The following NTRK2 variants were observed in gnomAD, a reference collection of about 807,000 sequenced individuals.
NTRK2 encodes neurotrophic receptor tyrosine kinase 2, also known as BDNF/NT-3 growth factors receptor.
A neutral mutation model predicts 94.5 loss-of-function variants in NTRK2; 13 were observed. That is an observed-to-expected ratio of 0.14 (90% CI 0.09 to 0.22). The LOEUF (loss-of-function observed/expected upper bound fraction) is 0.22. Among genes scored for constraint, NTRK2 ranks in the 10% least tolerant of loss-of-function variants. The pLI, the probability that NTRK2 is intolerant of heterozygous loss-of-function variation, is 1.00. For synonymous variants in NTRK2, 372 were observed against 407.4 expected, an observed-to-expected ratio of 0.91 and a Z score of 1.05; for missense variants, 639 against 1,071.2, an observed-to-expected ratio of 0.60 and a Z score of 5.63.
upstream of NTRK2, chr9:84,669,657 G>C (rs1460723984): frequency 6.5e-6 from 1 of 153,072 alleles, no homozygotes; most frequent in African/African-American, 2.4e-5. This position sits in a 1 kb window ranked among gnomAD's most constrained non-coding sequence, Gnocchi z 4.1. Flanking sequence ...GTGTATGAGC[G>C]TGTGTGTGTT....
intron 17 of NTRK2, among the ~76,000 whole-genome samples, chr9:84,973,246 A>G (rs984933509): frequency 6.6e-6 from 1 of 152,220 alleles, no homozygotes; most frequent in Non-Finnish European, 1.5e-5. Flanking sequence ...TGGTAAGCAG[A>G]TCAGAGAAAC....
At chr9:84,934,403 T>A in intron 15 of NTRK2, 111 bp downstream of exon 15, 5 of 1,118,068 alleles carry the variant, frequency 4.5e-6, no homozygotes, top group Non-Finnish European at 5.3e-6. Context: ...TTGTTCCTGC[T>A]ATGATGGATG....
intron 14 of NTRK2, among the ~76,000 whole-genome samples, chr9:84,904,930 A>G (rs1265248748): frequency 2.0e-5 from 3 of 152,216 alleles, no homozygotes; most frequent in East Asian, 3.8e-4. Flanking sequence ...CTTGCCTTAC[A>G]TATGTTCGTC....
At chr9:84,928,220 C>A (rs1419250576) in intron 14 of NTRK2, among the ~76,000 whole-genome samples, 1 of 152,140 alleles carries the variant, frequency 6.6e-6, no homozygotes, top group Non-Finnish European at 1.5e-5. Flanking sequence ...ATCTTTCACA[C>A]AAATTTGTTT....
At chr9:84,973,721 T>C (rs1826458648) in intron 17 of NTRK2, among the ~76,000 whole-genome samples, 1 of 152,200 alleles carries the variant, frequency 6.6e-6, no homozygotes, top group Non-Finnish European at 1.5e-5. Flanking sequence ...GCCTCAGTTG[T>C]GAAATGAGGA....
At chr9:84,760,954 T>C (rs2065512752) in intron 12 of NTRK2, among the ~76,000 whole-genome samples, 1 of 152,218 alleles carries the variant, frequency 6.6e-6, no homozygotes, top group African/African-American at 2.4e-5. Context: ...GTCAAGAAAT[T>C]AAATTCTTCC....
chr9:84,970,455 G>A (rs974926007), intron 17 of NTRK2, among the ~76,000 whole-genome samples: 1 of 152,106 alleles, frequency 6.6e-6, no homozygotes, highest in Non-Finnish European at 1.5e-5. Context: ...ATGTGGTAAG[G>A]ATTAAGTGCA....
chr9:84,943,932 A>T (rs1283199836), intron 15 of NTRK2, among the ~76,000 whole-genome samples: 1 of 152,140 alleles, frequency 6.6e-6, no homozygotes, highest in Non-Finnish European at 1.5e-5. Flanking sequence ...TGAATCTCTT[A>T]AAATAGAATT....
At chr9:84,878,993 C>A (rs1220849401) in intron 14 of NTRK2, among the ~76,000 whole-genome samples, 1 of 152,204 alleles carries the variant, frequency 6.6e-6, no homozygotes, top group Non-Finnish European at 1.5e-5. Flanking sequence ...TTTGTTCAGC[C>A]AGCCTCAGCA....
intron 15 of NTRK2, among the ~76,000 whole-genome samples, chr9:84,943,648 A>C (rs1236588044): frequency 6.6e-6 from 1 of 152,218 alleles, no homozygotes; most frequent in East Asian, 1.9e-4. Flanking sequence ...AACCTGAAGA[A>C]GAGGGATTGT....
chr9:84,830,922 G>T (rs567144990), intron 12 of NTRK2, among the ~76,000 whole-genome samples: 1 of 151,894 alleles, frequency 6.6e-6, no homozygotes, highest in Non-Finnish European at 1.5e-5. Context: ...GCCTATAATT[G>T]TTCTGTGCTT....
chr9:84,876,435 A>G (rs2076070040), intron 14 of NTRK2: 2 of 1,055,162 alleles, frequency 1.9e-6, no homozygotes, highest in Non-Finnish European at 2.3e-6. Context: ...CCTTCCCTGC[A>G]ACACCCAAAG....
chr9:84,785,170 T>C (rs945867243), intron 12 of NTRK2, among the ~76,000 whole-genome samples: 13 of 152,182 alleles, frequency 8.5e-5, no homozygotes, highest in African/African-American at 3.1e-4. Context: ...GATTTAAAAA[T>C]GCAAATCATA....
chr9:84,776,471 C>T (rs1300520051), intron 12 of NTRK2, among the ~76,000 whole-genome samples: 2 of 152,316 alleles, frequency 1.3e-5, no homozygotes, highest in East Asian at 3.9e-4. Flanking sequence ...ATCCGCCCAC[C>T]TTGGCTTCCC....
chr9:84,919,085 TAC>T (rs1457708234), intron 14 of NTRK2, among the ~76,000 whole-genome samples: 1 of 152,188 alleles, frequency 6.6e-6, no homozygotes, highest in Non-Finnish European at 1.5e-5. Flanking sequence ...CCTTGCGTCA[TAC>T]CCCTGATTGA....
At chr9:85,007,024 T>A (rs990782453) in intron 17 of NTRK2, among the ~76,000 whole-genome samples, 1 of 152,226 alleles carries the variant, frequency 6.6e-6, no homozygotes, top group Non-Finnish European at 1.5e-5. Flanking sequence ...ATACAATCCA[T>A]TCATTTGACA....
intron 12 of NTRK2, among the ~76,000 whole-genome samples, chr9:84,817,907 A>G (rs776394527): frequency 1.3e-5 from 2 of 152,194 alleles, no homozygotes; most frequent in Non-Finnish European, 2.9e-5. Context: ...ATACTTCATA[A>G]TTTGCACTTT....
chr9:84,875,508 C>G (rs201393328), intron 14 of NTRK2: 9 of 1,063,246 alleles, frequency 8.5e-6, no homozygotes, highest in African/African-American at 1.6e-5. Context: ...TCAACTGAAG[C>G]AGATGATCAC....
intron 14 of NTRK2, among the ~76,000 whole-genome samples, chr9:84,898,458 G>C (rs533897010): frequency 6.6e-6 from 1 of 152,232 alleles, no homozygotes; most frequent in African/African-American, 2.4e-5. Flanking sequence ...GTTGAAGAAA[G>C]AGGGTTATCT....
Sources: gnomAD v4.1 joint callset for allele counts (sites outside exome capture counted in the v4.1 genomes callset) on GRCh38, gnomAD v4.1.1 for gene constraint, Gnocchi (gnomAD v3.1) non-coding constraint, MANE v1.5 for transcripts, NCBI Gene and HGNC (gene_info 2026-07-23, HGNC 2026-07-21) for gene names.